Variants in SEMA3D observed in about 807,000 individuals in gnomAD.
SEMA3D encodes semaphorin-3D.
SEMA3D carries 84 observed loss-of-function variants against 100.1 expected under a neutral mutation model. The ratio of observed to expected loss-of-function variants is 0.84; its 90% CI spans 0.70 to 1.01. The LOEUF (loss-of-function observed/expected upper bound fraction) is 1.01. Ranked by LOEUF, SEMA3D falls within the 50% of genes least tolerant of loss-of-function variation. The pLI is 0.00. For missense variants in SEMA3D, 875 were observed against 934.1 expected, an observed-to-expected ratio of 0.94 and a Z score of 0.82; for synonymous variants, 312 against 320.7, an observed-to-expected ratio of 0.97 and a Z score of 0.29.
At chr7:85,023,377 T>C (rs1028420333) in intron 12 of SEMA3D, among the ~76,000 whole-genome samples, 35 of 151,796 alleles carry the variant, frequency 2.3e-4, no homozygotes, top group African/African-American at 7.7e-4. Flanking sequence ...ACTTTTTTTT[T>C]CCAGAAAATA....
chr7:85,133,154 T>C (rs1281628572), intron 2 of SEMA3D, among the ~76,000 whole-genome samples: 1 of 152,016 alleles, frequency 6.6e-6, no homozygotes, highest in Non-Finnish European at 1.5e-5. Flanking sequence ...ATGACTGTTC[T>C]GTTGAAGTCA....
At chr7:85,142,282 C>T (rs1012499150) in intron 2 of SEMA3D, 85 of 980,110 alleles carry the variant, frequency 8.7e-5, no homozygotes, top group Non-Finnish European at 9.7e-5. Flanking sequence ...TAGTAAAACA[C>T]TGAGAAAGTA....
chr7:85,208,274 T>C, the SEMA3D span, among the ~76,000 whole-genome samples: 1 of 151,948 alleles, frequency 6.6e-6, no homozygotes, highest in Admixed American at 6.6e-5. Flanking sequence ...TAAATAAAAT[T>C]TAAACGTCTC....
At position 85,012,839 on chromosome 7, in the gene SEMA3D, T is replaced by C. The variant is rs781016117; in HGVS notation, c.1711A>G (p.Arg571Gly). ...RYAPTSKRRA[R>G]RQDVKYGDPI... ...TCGCCATATTTTACATCTTGGCGTC[T>C]AGCTCTCCTGCGGAAAGGGGATTAA... The change falls in exon 17 of 19, where the codon AGA (arginine) becomes GGA (glycine). Residue 571 changes from arginine to glycine, a missense_variant. By Grantham distance (125) the Arg-to-Gly change is moderately radical. Coordinates refer to ENST00000284136, the MANE Select transcript of SEMA3D (RefSeq NM_001384900.1). 1 of 1,610,144 alleles carries C rather than the reference T, an allele frequency of 6.2e-7. No individual in the cohort carries two copies. The highest frequency in any genetic ancestry group is 1.1e-5 in the South Asian group (1 of 91,024).
chr7:85,068,317 T>G (rs1791683052), intron 6 of SEMA3D, 33 bp from the exon 7 acceptor site: 1 of 1,113,836 alleles, frequency 9.0e-7, no homozygotes, highest in Non-Finnish European at 1.4e-6. Flanking sequence ...TAGTGAACTT[T>G]TTAAAAATAT....
At chr7:85,204,926 G>A in the SEMA3D span, among the ~76,000 whole-genome samples, 1 of 151,924 alleles carries the variant, frequency 6.6e-6, no homozygotes, top group Non-Finnish European at 1.5e-5. Flanking sequence ...AGTAACATCA[G>A]GAGCTAGAGA....
At chr7:85,150,358 TA>T (rs1322150617) in intron 2 of SEMA3D, among the ~76,000 whole-genome samples, 1 of 141,792 alleles carries the variant, frequency 7.1e-6, no homozygotes, top group Admixed American at 7.3e-5. Context: ...TATATATATA[TA>T]TATATATATT....
intron 2 of SEMA3D, among the ~76,000 whole-genome samples, chr7:85,150,074 A>G (rs1053727257): frequency 6.6e-6 from 1 of 152,062 alleles, no homozygotes; most frequent in Non-Finnish European, 1.5e-5. Flanking sequence ...GAGAAGTTGT[A>G]CGGTGCCCAA....
intron 8 of SEMA3D, among the ~76,000 whole-genome samples, chr7:85,057,431 C>G (rs1017908334): frequency 1.3e-5 from 2 of 152,028 alleles, no homozygotes; most frequent in Non-Finnish European, 2.9e-5. Context: ...TTTTAAGAAG[C>G]AGAAGCAAGA....
chr7:85,128,985 G>T (rs1262921006), intron 2 of SEMA3D, among the ~76,000 whole-genome samples: 1 of 150,300 alleles, frequency 6.7e-6, no homozygotes, highest in African/African-American at 2.5e-5. Flanking sequence ...TGGACTTCCT[G>T]GGCTCAAGTG....
intron 1 of SEMA3D, among the ~76,000 whole-genome samples, chr7:85,172,021 C>T (rs1357721242): frequency 1.3e-5 from 2 of 151,494 alleles, no homozygotes; most frequent in East Asian, 3.9e-4. Flanking sequence ...GACACACATA[C>T]ATATATAGAC....
At chr7:85,065,357 A>AT in intron 8 of SEMA3D, 67 bp downstream of exon 8, 1 of 1,391,000 alleles carries the variant, frequency 7.2e-7, no homozygotes. Flanking sequence ...AATGAATAAT[A>AT]ATACACTTCT....
chr7:85,106,845 G>A (rs1455312261), intron 3 of SEMA3D, among the ~76,000 whole-genome samples: 1 of 151,998 alleles, frequency 6.6e-6, no homozygotes, highest in Non-Finnish European at 1.5e-5. Flanking sequence ...AAAACCATCA[G>A]ACCTCATGAC....
At chr7:85,245,980 A>G in the SEMA3D span, among the ~76,000 whole-genome samples, 1 of 152,152 alleles carries the variant, frequency 6.6e-6, no homozygotes, top group Admixed American at 6.5e-5. Context: ...ATGGCAAAAC[A>G]AACAAATAAA....
At chr7:85,159,935 T>C (rs1790699341) in intron 1 of SEMA3D, 1 of 985,038 alleles carries the variant, frequency 1.0e-6, no homozygotes, top group Non-Finnish European at 1.2e-6. Flanking sequence ...GACCAACTAG[T>C]GTTCAAGAAA....
At chr7:85,144,119 T>C (rs1381882015) in intron 2 of SEMA3D, among the ~76,000 whole-genome samples, 1 of 152,162 alleles carries the variant, frequency 6.6e-6, no homozygotes, top group African/African-American at 2.4e-5. Flanking sequence ...TTAACATGTA[T>C]ACAATATAAA....
intron 4 of SEMA3D, among the ~76,000 whole-genome samples, chr7:85,095,139 C>T (rs528282467): frequency 3.9e-5 from 6 of 151,942 alleles, no homozygotes; most frequent in East Asian, 1.9e-4. Flanking sequence ...TATATACCTG[C>T]GCTATTCACT....
upstream of SEMA3D, among the ~76,000 whole-genome samples, chr7:85,187,990 G>A (rs1791610612): frequency 6.6e-6 from 1 of 152,132 alleles, no homozygotes; most frequent in African/African-American, 2.4e-5. Flanking sequence ...TAGAGACATG[G>A]AAAGCAAGCA....
At chr7:85,223,538 T>TG in the SEMA3D span, among the ~76,000 whole-genome samples, 5 of 148,680 alleles carry the variant, frequency 3.4e-5, no homozygotes, top group African/African-American at 1.2e-4. Context: ...TATCATATAT[T>TG]TGTGTGTGTG....
Sources: allele counts gnomAD v4.1 joint callset (sites outside exome capture counted in the v4.1 genomes callset), GRCh38; gene constraint gnomAD v4.1.1; transcripts MANE v1.5; gene names NCBI Gene and HGNC (gene_info 2026-07-23, HGNC 2026-07-21).